The following SLC8A3 variants were observed in gnomAD, a reference collection of about 807,000 sequenced individuals.
The protein encoded by SLC8A3 is solute carrier family 8 member A3.
Under a neutral mutation model 65.4 loss-of-function variants are expected in SLC8A3, and 37 were observed. The observed-to-expected ratio is 0.57, with a 90% confidence interval of 0.44 to 0.74. The LOEUF (loss-of-function observed/expected upper bound fraction) is 0.74, where lower values mean the gene tolerates loss of function less well. Ranked by LOEUF, SLC8A3 falls within the 30% of genes least tolerant of loss-of-function variation. The pLI is 0.00. For missense variants in SLC8A3, 1,112 were observed against 1,172.1 expected, an observed-to-expected ratio of 0.95 and a Z score of 0.75; for synonymous variants, 461 against 444.5, an observed-to-expected ratio of 1.04 and a Z score of -0.47.
chr14:70,096,710 T>C (rs908059158), intron 2 of SLC8A3, among the ~76,000 whole-genome samples: 3 of 152,178 alleles, frequency 2.0e-5, no homozygotes, highest in Non-Finnish European at 4.4e-5. Flanking sequence ...AAATCCTCAA[T>C]TCATGTCCCT....
chr14:70,077,450 C>T (rs571653763), intron 2 of SLC8A3, among the ~76,000 whole-genome samples: 26 of 152,242 alleles, frequency 1.7e-4, no homozygotes, highest in South Asian at 1.5e-3. Flanking sequence ...GATTGTGGGG[C>T]AGTTCATTTC....
chr14:70,059,015 T>C (rs1343274832), intron 3 of SLC8A3: 1 of 152,156 alleles, frequency 6.6e-6, no homozygotes, highest in Non-Finnish European at 1.5e-5. Context: ...GAACTGGAAG[T>C]TGGGCAAGAA....
At chr14:70,066,395 T>C (rs1889426700) in intron 2 of SLC8A3, among the ~76,000 whole-genome samples, 2 of 152,200 alleles carry the variant, frequency 1.3e-5, no homozygotes, top group South Asian at 4.1e-4. Context: ...ATCTAACAAA[T>C]TGCCCAGTTT....
chr14:70,166,605 T>C (rs747643953), intron 2 of SLC8A3, 34 bp downstream of exon 2: 4 of 1,216,082 alleles, frequency 3.3e-6, no homozygotes, highest in South Asian at 2.8e-5. Flanking sequence ...AAAGATGGGG[T>C]CAGGGAGGGG....
intron 2 of SLC8A3, among the ~76,000 whole-genome samples, chr14:70,116,595 C>T (rs4902779): frequency 0.15 from 22,080 of 152,104 alleles, 1,853 homozygotes; most frequent in East Asian, 0.4. Flanking sequence ...ATTAATATAC[C>T]GGCTGGAAGG....
At chr14:70,065,874 G>GA in intron 2 of SLC8A3, among the ~76,000 whole-genome samples, 1 of 152,330 alleles carries the variant, frequency 6.6e-6, no homozygotes, top group Non-Finnish European at 1.5e-5. Context: ...AGGTTTGGAT[G>GA]AAACAGTATG....
At chr14:70,064,010 G>C in intron 2 of SLC8A3, 1 of 765,142 alleles carries the variant, frequency 1.3e-6, no homozygotes, top group Non-Finnish European at 2.2e-6. Context: ...GGGAAGAGAA[G>C]GAAACAGTTA....
chr14:70,110,583 A>T (rs1893223443), intron 2 of SLC8A3, among the ~76,000 whole-genome samples: 1 of 151,066 alleles, frequency 6.6e-6, no homozygotes, highest in South Asian at 2.1e-4. Flanking sequence ...TTCTTTATCC[A>T]TTCATCTGTT....
chr14:70,073,801 G>A (rs1438198548), intron 2 of SLC8A3, among the ~76,000 whole-genome samples: 1 of 152,132 alleles, frequency 6.6e-6, no homozygotes, highest in Non-Finnish European at 1.5e-5. Flanking sequence ...CTAATAATTA[G>A]GAAGAGAGAG....
chr14:70,142,947 C>T (rs1212326695), intron 2 of SLC8A3, among the ~76,000 whole-genome samples: 2 of 152,280 alleles, frequency 1.3e-5, no homozygotes, highest in African/African-American at 2.4e-5. Context: ...AGGTCTAGGG[C>T]TGTACTCATT....
intron 2 of SLC8A3, among the ~76,000 whole-genome samples, chr14:70,134,960 A>C (rs939705400): frequency 6.6e-5 from 10 of 152,208 alleles, no homozygotes; most frequent in Non-Finnish European, 5.9e-5. Flanking sequence ...AAAAGGGTGG[A>C]CCTCTCTAAT....
At chr14:70,173,446 C>T (rs1897673206) in intron 1 of SLC8A3, among the ~76,000 whole-genome samples, 1 of 152,188 alleles carries the variant, frequency 6.6e-6, no homozygotes, top group African/African-American at 2.4e-5. Context: ...CGTCTGTGTC[C>T]TTAGCAGTGG....
At chr14:70,144,053 C>G (rs1895742234) in intron 2 of SLC8A3, among the ~76,000 whole-genome samples, 1 of 152,120 alleles carries the variant, frequency 6.6e-6, no homozygotes, top group Admixed American at 6.5e-5. Context: ...TCCGTCTCCT[C>G]CACTGGATTG....
At chr14:70,120,434 C>A (rs891573544) in intron 2 of SLC8A3, among the ~76,000 whole-genome samples, 1 of 152,218 alleles carries the variant, frequency 6.6e-6, no homozygotes, top group Non-Finnish European at 1.5e-5. Context: ...CAACCACTTA[C>A]ATTCTGCTAA....
intron 2 of SLC8A3, among the ~76,000 whole-genome samples, chr14:70,161,930 T>C (rs940240916): frequency 3.9e-5 from 6 of 152,248 alleles, no homozygotes; most frequent in African/African-American, 1.4e-4. Context: ...TATTATTTCA[T>C]GGAACAAGGC....
At chr14:70,141,334 T>C (rs947999581) in intron 2 of SLC8A3, among the ~76,000 whole-genome samples, 3 of 152,184 alleles carry the variant, frequency 2.0e-5, no homozygotes, top group African/African-American at 4.8e-5. Context: ...ACCCATTGTG[T>C]GGGTAGAAAA....
chr14:70,107,246 A>G (rs1268106339), intron 2 of SLC8A3, among the ~76,000 whole-genome samples: 1 of 151,738 alleles, frequency 6.6e-6, no homozygotes, highest in Non-Finnish European at 1.5e-5. Flanking sequence ...TTTGCTCCAC[A>G]GACTAAAAAT....
At chr14:70,125,513 T>C (rs1376098202) in intron 2 of SLC8A3, among the ~76,000 whole-genome samples, 1 of 152,212 alleles carries the variant, frequency 6.6e-6, no homozygotes, top group East Asian at 1.9e-4. Flanking sequence ...CTTTGTTCTT[T>C]TTTACGAATG....
At chr14:70,177,324 G>A (rs1015942385) in intron 1 of SLC8A3, among the ~76,000 whole-genome samples, 3 of 152,178 alleles carry the variant, frequency 2.0e-5, no homozygotes, top group African/African-American at 7.2e-5. Context: ...TGTGAGCAAG[G>A]TTTTCTGAAT....
Sources: gnomAD v4.1 joint callset for allele counts (sites outside exome capture counted in the v4.1 genomes callset) on GRCh38, gnomAD v4.1.1 for gene constraint, MANE v1.5 for transcripts, NCBI Gene and HGNC (gene_info 2026-07-23, HGNC 2026-07-21) for gene names.